CEP295: variants seen among roughly 807,000 people sequenced by gnomAD.
The protein encoded by CEP295 is centrosomal protein 295.
In CEP295, 190 loss-of-function variants were observed where a neutral mutation model predicts 291.6. The observed-to-expected ratio is 0.65, with a 90% CI of 0.58 to 0.73. The LOEUF is 0.73. CEP295 is among the 30% of genes least tolerant of loss of function. The probability of loss-of-function intolerance (pLI) is 0.00; values close to 1 mark genes in which losing one functional copy is unlikely to be tolerated. For missense variants in CEP295, 2,863 were observed against 2,949.4 expected, an observed-to-expected ratio of 0.97 and a Z score of 0.68; for synonymous variants, 993 against 1,038.8, an observed-to-expected ratio of 0.96 and a Z score of 0.85.
Position 93,698,716 on chromosome 11 carries a change from A to G in CEP295, c.3804A>G (p.Lys1268=), listed in dbSNP as rs1304921310. 1 of 1,551,602 alleles carries G rather than the reference A, an allele frequency of 6.4e-7. No individual in the cohort carries two copies. Among genetic ancestry groups the G allele is most frequent in the Non-Finnish European group, 8.7e-7 (1 of 1,147,068 alleles). ...EEHQAWLDTE[K]EAFHFSQKTQ... ...ACCAAGCATGGCTAGACACTGAGAA[A>G]GAAGCCTTTCATTTCAGCCAGAAAA... Residue 1268 remains lysine, a synonymous_variant, in exon 15 of 30, where the codon AAA becomes AAG. Coordinates refer to ENST00000325212, the MANE Select transcript of CEP295 (RefSeq NM_033395.2).
rs1952009162 is a variant in CEP295 at position 93,699,226 on chromosome 11, G to T, written c.4314G>T (p.Leu1438Phe). 6.4e-7 allele frequency: 1 copy of T among 1,551,684 alleles called. No individual in the cohort carries two copies. Among genetic ancestry groups the T allele is most frequent in the Non-Finnish European group, 8.7e-7 (1 of 1,146,968 alleles). The change falls in exon 15 of 30, where the codon TTG (leucine) becomes TTT (phenylalanine). Residue 1438 changes from leucine to phenylalanine, a missense_variant. By Grantham distance (22) the Leu-to-Phe change is conservative. This residue lies in a region of CEP295 where 2,295 missense variants were observed against 2,335.7 expected (regional missense o/e 0.98). Transcript: ENST00000325212. ...CAGGTCACTCAGAGATACCAACATT[G>T]CCTGATGGGCTGTTGGGTTTATCAC... Reference protein sequence around the residue: ...VSSGHSEIPTLPDGLLGLSHL... With the variant: ...VSSGHSEIPTFPDGLLGLSHL...
Position 93,725,147 on chromosome 11 carries a change from G to A in CEP295, c.6319-504G>A, listed in dbSNP as rs118186223. On this transcript the variant is annotated intron_variant, in intron 22 of 29. Transcript: ENST00000325212. ...GGCATGCCTGTAGTCCCAGCTACTC[G>A]GGAGGCTGAGAACCGCTTGAACCTG... is the stretch of plus-strand genomic sequence containing the variant. 8.0e-3 allele frequency among the ~76,000 whole-genome samples: 1,217 copies of A among 151,972 alleles called. 22 individuals carry two copies. Among genetic ancestry groups the A allele is most frequent in the East Asian group, 0.053 (275 of 5,148 alleles).
Position 93,726,960 on chromosome 11 carries a change from G to T in CEP295, c.6500-16G>T, listed in dbSNP as rs1378238904. 4.1e-6 allele frequency: 6 copies of T among 1,473,664 alleles called. No homozygotes were observed. The African/African-American group carries it at 7.2e-5, about 18-fold the overall frequency. 91.3% of individuals were successfully genotyped at this position (1,473,664 alleles called of 1,614,324 possible). A position where few individuals can be genotyped will look rare whatever the true frequency, so the allele number is the denominator to read the frequency against. Reference sequence around the variant, plus strand: ...ATGTAACGATGATTAACTGATTTTTGAATTTCTTAATGCAGGATCTGAACA... The same window carrying T: ...ATGTAACGATGATTAACTGATTTTTTAATTTCTTAATGCAGGATCTGAACA... On this transcript the variant is annotated splice_polypyrimidine_tract_variant and intron_variant, in intron 23 of 29. Coordinates refer to ENST00000325212, the MANE Select transcript of CEP295 (RefSeq NM_033395.2).
At chr11:93,728,938 C>A in intron 25 of CEP295, 117 bp downstream of exon 25, 1 of 782,592 alleles carries the variant, frequency 1.3e-6, no homozygotes, top group South Asian at 2.0e-5. Flanking sequence ...TTAACTAAGC[C>A]GACACCCCCA....
rs925894987 is a variant in CEP295, at chr11:93,729,524, T to C, written c.7393T>C (p.Ser2465Pro). Residue 2465 changes from serine to proline, a missense_variant, in exon 26 of 30, where the codon TCT becomes CCT. This residue lies in a region of CEP295 where 2,295 missense variants were observed against 2,335.7 expected (regional missense o/e 0.98). Coordinates refer to ENST00000325212, the MANE Select transcript of CEP295 (RefSeq NM_033395.2). ...ELSIEKPRTA[S>P]TETPRRLTPV... ...TTCCATAGAAAAACCAAGGACAGCA[T>C]CTACAGGTAAGCCTTGGACGGCCTC... is the stretch of plus-strand genomic sequence containing the variant. The C allele has an allele frequency of 6.4e-7, 1 of 1,551,494 alleles. No homozygotes were observed. The highest frequency in any genetic ancestry group is 2.0e-5 in the Admixed American group (1 of 50,992).
At chr11:93,712,600 TG>T (rs1952980407) in intron 18 of CEP295, among the ~76,000 whole-genome samples, 1 of 152,228 alleles carries the variant, frequency 6.6e-6, no homozygotes, top group African/African-American at 2.4e-5. Context: ...TGCTGTTTTT[TG>T]TTTTCCATTT....
Position 93,698,315 on chromosome 11 carries a change from G to A in CEP295, c.3403G>A (p.Gly1135Ser), listed in dbSNP as rs1405785447. The A allele has an allele frequency of 6.4e-7, 1 of 1,551,964 alleles. No individual in the cohort carries two copies. Among genetic ancestry groups the A allele is most frequent in the Non-Finnish European group, 8.7e-7 (1 of 1,147,030 alleles). Residue 1135 changes from glycine to serine, a missense_variant, in exon 15 of 30, where the codon GGT becomes AGT. This residue lies in a region of CEP295 where 2,295 missense variants were observed against 2,335.7 expected (regional missense o/e 0.98). Transcript: ENST00000325212. Reference sequence around the variant, plus strand: ...TTATTTATCTGAGAAGGAGAATGTAGGTCCCTCCTGTCATTTGATAATCCC... The same window carrying A: ...TTATTTATCTGAGAAGGAGAATGTAAGTCCCTCCTGTCATTTGATAATCCC... ...ELYLSEKENV[G>S]PSCHLIIPTF...
chr11:93,713,621 T>C (rs1475524887), intron 18 of CEP295, among the ~76,000 whole-genome samples: 1 of 152,176 alleles, frequency 6.6e-6, no homozygotes, highest in Non-Finnish European at 1.5e-5. Flanking sequence ...GGGAATTTGA[T>C]TATTAAATGC....
Position 93,697,491 on chromosome 11 carries a change from T to G in CEP295, c.2579T>G (p.Val860Gly). ...LQEQLDLQKKVLQATQEAQEQ... is the reference protein window; with the variant it reads ...LQEQLDLQKKGLQATQEAQEQ... ...GAACAGTTAGACCTACAGAAGAAAG[T>G]TCTTCAGGCAACTCAGGAAGCTCAG... Residue 860 changes from valine (V) to glycine (G), a missense_variant, in exon 15 of 30, where the codon GTT (valine) becomes GGT (glycine). This residue lies in a region of CEP295 where 2,295 missense variants were observed against 2,335.7 expected (regional missense o/e 0.98). Coordinates refer to ENST00000325212, the MANE Select transcript of CEP295 (RefSeq NM_033395.2). 1 of 1,551,822 alleles carries G rather than the reference T, an allele frequency of 6.4e-7. No individual in the cohort carries two copies. Among genetic ancestry groups the G allele is most frequent in the Non-Finnish European group, 8.7e-7 (1 of 1,147,010 alleles).
chr11:93,662,951 A>G (rs895413331), intron 1 of CEP295, among the ~76,000 whole-genome samples: 1 of 152,242 alleles, frequency 6.6e-6, no homozygotes, highest in Non-Finnish European at 1.5e-5. Flanking sequence ...CTTGCCAAAA[A>G]TACATAACCT....
rs1433176618 is a variant in CEP295, at chr11:93,730,074, A to T, written c.7693A>T (p.Lys2565Ter). 8 of 1,550,712 alleles carry T rather than the reference A, an allele frequency of 5.2e-6. No individual in the cohort carries two copies. The highest frequency in any genetic ancestry group is 7.0e-6 in the Non-Finnish European group (8 of 1,146,760). ...LRLYNQLAEVKQQKEEKTKQE... is the reference protein window; with the variant it reads ...LRLYNQLAEV ...GTTATACAATCAACTAGCTGAAGTG[A>T]AACAACAAAAGGAAGAAAAAACAAA... The change falls in exon 29 of 30, where the codon AAA becomes TAA. Residue 2565 changes from lysine (K) to a stop codon, truncating the protein, a stop_gained. Coordinates refer to ENST00000325212, the MANE Select transcript of CEP295 (RefSeq NM_033395.2). LOFTEE classifies it high-confidence loss of function.
chr11:93,669,045 G>T (rs1469725803), intron 4 of CEP295, 113 bp downstream of exon 4: 4 of 565,122 alleles, frequency 7.1e-6, no homozygotes, highest in Admixed American at 3.9e-5. Flanking sequence ...CATATTCATT[G>T]CATTTGTTAA....
chr11:93,718,043 C>G (rs1050445709), intron 18 of CEP295, among the ~76,000 whole-genome samples: 1 of 152,172 alleles, frequency 6.6e-6, no homozygotes, highest in Non-Finnish European at 1.5e-5. Flanking sequence ...TCCCGAGTAG[C>G]TAGGACTACA....
At chr11:93,692,576 G>C (rs936654848) in intron 12 of CEP295, among the ~76,000 whole-genome samples, 3 of 151,932 alleles carry the variant, frequency 2.0e-5, no homozygotes, top group Non-Finnish European at 4.4e-5. Context: ...TCTGACCTCA[G>C]CTTCCTGAGT....
rs375480523 is a variant in CEP295, at chr11:93,698,656, A to G, written c.3744A>G (p.Gln1248=). 1.3e-6 allele frequency: 2 copies of G among 1,550,688 alleles called. No individual in the cohort carries two copies. Among genetic ancestry groups the G allele is most frequent in the Non-Finnish European group, 8.7e-7 (1 of 1,147,114 alleles). The change falls in exon 15 of 30, where the codon CAA becomes CAG. Residue 1248 remains glutamine, a synonymous_variant. Coordinates refer to ENST00000325212, the MANE Select transcript of CEP295 (RefSeq NM_033395.2). Reference sequence around the variant, plus strand: ...AGGAAAGACTTTTGAGAGTTTCACAACATATGCTACCTCTACAAGATAATT... The same window carrying G: ...AGGAAAGACTTTTGAGAGTTTCACAGCATATGCTACCTCTACAAGATAATT... ...RCQERLLRVS[Q]HMLPLQDNLE...
Position 93,696,411 on chromosome 11 carries a change from A to C in CEP295, c.1763A>C (p.Gln588Pro), listed in dbSNP as rs1209419556. The C allele has an allele frequency of 4.6e-6, 7 of 1,526,832 alleles. No homozygotes were observed. 94.6% of individuals were successfully genotyped at this position (1,526,832 alleles called of 1,614,324 possible). Residue 588 changes from glutamine to proline, a missense_variant, in exon 14 of 30, where the codon CAA (glutamine) becomes CCA (proline). This residue lies in a region of CEP295 where 2,295 missense variants were observed against 2,335.7 expected (regional missense o/e 0.98). Coordinates refer to ENST00000325212, the MANE Select transcript of CEP295 (RefSeq NM_033395.2). ...IRNYQHQLLQQNRLHRQSVET... is the reference protein window; with the variant it reads ...IRNYQHQLLQPNRLHRQSVET... ...AACTATCAACATCAGCTTTTACAAC[A>C]AAACAGGTATTAGCTAGGGTATAAT... is the stretch of plus-strand genomic sequence containing the variant.
chr11:93,666,549 G>A (rs1470566395), intron 1 of CEP295, 133 bp from the exon 2 acceptor site: 7 of 483,444 alleles, frequency 1.4e-5, no homozygotes, highest in East Asian at 9.2e-5. Flanking sequence ...AGCTGAGATC[G>A]CACCACTGCC....
At position 93,683,939 on chromosome 11, in the gene CEP295, C is replaced by T. The variant is rs1023495288; in HGVS notation, c.950-25C>T. 63 of 1,534,948 alleles carry T rather than the reference C, an allele frequency of 4.1e-5. No homozygotes were observed. The Admixed American group carries it at 1.1e-3, about 26-fold the overall frequency. On this transcript the variant is annotated intron_variant, in intron 8 of 29. Transcript: ENST00000325212. ...ATTTTTAATCATTTTGGAATGGAAA[C>T]GTGTCTCTATTTTTCTTTTTTAAGA...
At chr11:93,725,855 A>C in intron 23 of CEP295, 24 bp downstream of exon 23, 1 of 1,539,962 alleles carries the variant, frequency 6.5e-7, no homozygotes, top group Non-Finnish European at 8.8e-7. Flanking sequence ...AGTTAGAAAA[A>C]GTTAATTTTT....
Sources: gnomAD v4.1 joint callset for allele counts (sites outside exome capture counted in the v4.1 genomes callset) on GRCh38, gnomAD v4.1.1 for gene constraint, gnomAD v4.1.1 regional missense constraint, MANE v1.5 for transcripts, NCBI Gene and HGNC (gene_info 2026-07-23, HGNC 2026-07-21) for gene names.